Variants in ODF2 observed in about 807,000 individuals in gnomAD.
The protein encoded by ODF2 is outer dense fiber protein 2.
A neutral mutation model predicts 110.2 loss-of-function variants in ODF2; 47 were observed. The observed-to-expected ratio is 0.43, with a 90% CI of 0.34 to 0.54. ODF2 has a LOEUF of 0.54. ODF2 is among the 20% of genes least tolerant of loss of function. ODF2 has a pLI of 0.03. For synonymous variants in ODF2, 352 were observed against 397.7 expected (o/e 0.89, Z 1.37); for missense variants, 812 against 1,054.5 (o/e 0.77, Z 3.19).
chr9:128,458,303 A>G (rs553839430), intron 2 of ODF2, among the ~76,000 whole-genome samples: 2 of 152,088 alleles, frequency 1.3e-5, no homozygotes, highest in Admixed American at 1.3e-4. Context: ...AAACATAAAA[A>G]ATTAGCTGGG....
chr9:128,460,490 A>G (rs1332084748), intron 3 of ODF2, 60 bp from the exon 3 acceptor site: 1 of 1,592,712 alleles, frequency 6.3e-7, no homozygotes, highest in Non-Finnish European at 8.6e-7. Context: ...CTCTGTTTTT[A>G]TGCCCAGTTT....
intron 20 of ODF2, among the ~76,000 whole-genome samples, chr9:128,499,749 A>G (rs916495743): frequency 6.6e-6 from 1 of 152,192 alleles, no homozygotes; most frequent in African/African-American, 2.4e-5. Flanking sequence ...AGCTAGGACT[A>G]CAGGCGCACA....
chr9:128,467,057 A>ATATG (rs1588771360), intron 4 of ODF2, among the ~76,000 whole-genome samples: 3 of 109,304 alleles, frequency 2.7e-5, no homozygotes, highest in African/African-American at 6.8e-5. Flanking sequence ...ATATATATAT[A>ATATG]GTCATATATC....
At position 128,460,928 on chromosome 9, in the gene ODF2, G is replaced by A; in HGVS notation, c.124-14G>A. The A allele has an allele frequency of 6.2e-7, 1 of 1,614,190 alleles. No homozygotes were observed. The highest frequency in any genetic ancestry group is 8.5e-7 in the Non-Finnish European group (1 of 1,180,026). ...TGGGTGTGGAAGTGACCCTGGGTTT[G>A]TCCCTTTCCACAGAAATCTCACAAG... On this transcript the variant is annotated splice_polypyrimidine_tract_variant and intron_variant, in intron 3 of 20. Coordinates refer to ENST00000604420, the Ensembl canonical transcript of ODF2.
chr9:128,492,623 G>A, intron 15 of ODF2, 78 bp from the exon 16 acceptor site: 1 of 1,538,468 alleles, frequency 6.5e-7, no homozygotes, highest in Non-Finnish European at 9.0e-7. Context: ...CCACTCCCAG[G>A]GAGGGTTGGG....
chr9:128,459,660 A>G lies in ODF2; in HGVS notation c.123+3A>G, dbSNP rs1249360826. On this transcript the variant is annotated splice_donor_region_variant and intron_variant, in intron 3 of 20. Coordinates refer to ENST00000604420, the Ensembl canonical transcript of ODF2. ...GCGCACCCAGTGTAACTGTGACGGT[A>G]GGTGATGCACTCACGTAGCAGCCCT... is the stretch of plus-strand genomic sequence containing the variant. The G allele has an allele frequency of 1.2e-6, 2 of 1,610,150 alleles. No homozygotes were observed. Among genetic ancestry groups the G allele is most frequent in the Non-Finnish European group, 8.5e-7 (1 of 1,176,650 alleles).
chr9:128,456,617 C>G (rs1479471641), intron 1 of ODF2: 3 of 1,513,572 alleles, frequency 2.0e-6, no homozygotes, highest in East Asian at 5.3e-5. Context: ...GAGGCTCTCC[C>G]TCGCTCTGCT....
Position 128,498,284 on chromosome 9 carries a change from T to G in ODF2, c.2013-129T>G, listed in dbSNP as rs10819391. On this transcript the variant is annotated intron_variant, in intron 18 of 20. Coordinates refer to ENST00000604420, the Ensembl canonical transcript of ODF2. ...CTGATCTGCAGATTTCTTTGGCTTA[T>G]TCCTGTGGCTCCTTGGAGATTCTTG... The G allele has an allele frequency of 2.2e-6, 3 of 1,365,746 alleles. No homozygotes were observed. The South Asian group carries it at 5.5e-5, about 25-fold the overall frequency. 84.6% of individuals were successfully genotyped at this position (1,365,746 alleles called of 1,614,324 possible).
At chr9:128,455,203 G>C, upstream of ODF2, 1 of 1,535,424 alleles carries the variant, frequency 6.5e-7, no homozygotes, top group Non-Finnish European at 8.7e-7. Context: ...GAAGATGGCG[G>C]ACCAGCAAGG....
exon 21 of ODF2, chr9:128,500,449 C>A: frequency 1.7e-6 from 1 of 574,600 alleles, no homozygotes; most frequent in Non-Finnish European, 3.1e-6. Context: ...TTTCTCCTTC[C>A]TGATATAGTC....
At chr9:128,499,398 C>T (rs530632505) in intron 20 of ODF2, among the ~76,000 whole-genome samples, 1 of 151,906 alleles carries the variant, frequency 6.6e-6, no homozygotes, top group Non-Finnish European at 1.5e-5. Flanking sequence ...TGATCCCCAC[C>T]CCACCCTCAG....
rs1588929941 is a variant in ODF2 at position 128,485,731 on chromosome 9, T to A, written c.1400+257T>A. Among the ~76,000 whole-genome samples, 1 of 151,948 alleles carries A rather than the reference T, an allele frequency of 6.6e-6. No homozygotes were observed. The highest frequency in any genetic ancestry group is 2.1e-4 in the South Asian group (1 of 4,818). On this transcript the variant is annotated intron_variant, in intron 13 of 20. Coordinates refer to ENST00000604420, the Ensembl canonical transcript of ODF2. This position sits in a 1 kb window ranked among gnomAD's most constrained non-coding sequence, Gnocchi z 5.0. ...GGGGCCGGGTCTTTCTGGTCAGAGG[T>A]GTGGGTCTGACTTCATCACCTGGGC...
chr9:128,461,120 G>C (rs1348367112), intron 4 of ODF2, 53 bp downstream of exon 4: 1 of 1,590,128 alleles, frequency 6.3e-7, no homozygotes, highest in Non-Finnish European at 8.6e-7. Context: ...GATCCTAGCA[G>C]GCCTCAGCCT....
chr9:128,500,699 T>TC (rs1846357305), downstream of ODF2: 1 of 156,050 alleles, frequency 6.4e-6, no homozygotes, highest in South Asian at 2.0e-4. Flanking sequence ...CTTTTTTTTT[T>TC]TTTCTGATTT....
At chr9:128,492,577 T>A (rs2132226348) in intron 15 of ODF2, 41 bp downstream of exon 15, 2 of 1,531,296 alleles carry the variant, frequency 1.3e-6, no homozygotes, top group African/African-American at 2.7e-5. Flanking sequence ...AGCAGTGCCC[T>A]CCCTGCCCCC....
rs915336786 is a variant in ODF2, at chr9:128,481,433, C to T, written c.844-147C>T. ...ACCAGGCTGCAGTGAGCCATGATTG[C>T]ACCACTGCACTCCAGCCTGGGCAAC... On this transcript the variant is annotated intron_variant, in intron 8 of 20. Coordinates refer to ENST00000604420, the Ensembl canonical transcript of ODF2. 2.1e-5 allele frequency: 11 copies of T among 533,402 alleles called. No individual in the cohort carries two copies. In the Admixed American group the frequency reaches 2.7e-4, roughly 13 times the overall value. The allele number at this position is 533,402 out of a possible 1,614,324, so 33.0% of individuals were successfully genotyped here. A position where few individuals can be genotyped will look rare whatever the true frequency, so the allele number is the denominator to read the frequency against.
upstream of ODF2, chr9:128,455,989 G>A (rs976336817): frequency 7.1e-7 from 1 of 1,415,130 alleles, no homozygotes; most frequent in East Asian, 2.8e-5. Context: ...GCGTGGCCCG[G>A]AAGTGGGCGG....
chr9:128,497,449 ATATATATATATATATATAT>A (rs1845829016), intron 18 of ODF2: 4 of 52,136 alleles, frequency 7.7e-5, no homozygotes, highest in Admixed American at 4.5e-4. Flanking sequence ...AAAAAAAAAT[ATATATATATATATATATAT>A]ATATATATAT....
chr9:128,485,529 A>C lies in ODF2; in HGVS notation c.1400+55A>C. 1 of 996,896 alleles carries C rather than the reference A, an allele frequency of 1.0e-6. No individual in the cohort carries two copies. The highest frequency in any genetic ancestry group is 2.4e-5 in the East Asian group (1 of 40,998). 61.8% of individuals were successfully genotyped at this position (996,896 alleles called of 1,614,324 possible). ...GCGCTGTTGAGGGACTTGGGTGTGCAGGTGGGAGGGGCCTAGTGGCTCAGG... is the reference window on the plus strand; with the variant it reads ...GCGCTGTTGAGGGACTTGGGTGTGCCGGTGGGAGGGGCCTAGTGGCTCAGG... On this transcript the variant is annotated intron_variant, in intron 13 of 20. Transcript: ENST00000604420. This position sits in a 1 kb window ranked among gnomAD's most constrained non-coding sequence, Gnocchi z 5.0.
Sources: allele counts gnomAD v4.1 joint callset (sites outside exome capture counted in the v4.1 genomes callset), GRCh38; gene constraint gnomAD v4.1.1; non-coding constraint Gnocchi (gnomAD v3.1); transcripts MANE v1.5; gene names NCBI Gene and HGNC (gene_info 2026-07-23, HGNC 2026-07-21).